The following PRKG1 variants were observed in gnomAD, a reference collection of about 807,000 sequenced individuals.
The protein encoded by PRKG1 is cGMP-dependent protein kinase 1.
Under a neutral mutation model 88.1 loss-of-function variants are expected in PRKG1, and 35 were observed. The ratio of observed to expected loss-of-function variants is 0.40; its 90% confidence interval spans 0.30 to 0.53. PRKG1 has a LOEUF of 0.53. PRKG1 is among the 20% of genes least tolerant of loss of function. The probability of loss-of-function intolerance (pLI) is 0.59; values close to 1 mark genes in which losing one functional copy is unlikely to be tolerated. For synonymous variants in PRKG1, 303 were observed against 292.5 expected (o/e 1.04, Z -0.37); for missense variants, 540 against 839.8 (o/e 0.64, Z 4.41).
At chr10:51,933,663 A>C (rs1365717405) in intron 5 of PRKG1, among the ~76,000 whole-genome samples, 5 of 152,098 alleles carry the variant, frequency 3.3e-5, no homozygotes, top group African/African-American at 1.2e-4. Flanking sequence ...AAGAAACAAA[A>C]AAATTTGTGC....
At chr10:51,185,175 A>G (rs1170870122) in intron 2 of PRKG1, among the ~76,000 whole-genome samples, 1 of 152,168 alleles carries the variant, frequency 6.6e-6, no homozygotes, top group Non-Finnish European at 1.5e-5. Context: ...AAAGTTACTT[A>G]ACCTCTCTTT....
At chr10:51,432,726 A>G (rs564768840) in intron 2 of PRKG1, among the ~76,000 whole-genome samples, 1 of 151,576 alleles carries the variant, frequency 6.6e-6, no homozygotes, top group Admixed American at 6.6e-5. Context: ...ATTTAAGACA[A>G]TGAGGGTTGT....
At chr10:52,053,070 C>T (rs1846028031) in intron 5 of PRKG1, among the ~76,000 whole-genome samples, 1 of 151,850 alleles carries the variant, frequency 6.6e-6, no homozygotes, top group Non-Finnish European at 1.5e-5. Flanking sequence ...AATATGCATT[C>T]TATAATATTA....
chr10:51,264,208 A>G (rs4935230), intron 2 of PRKG1, among the ~76,000 whole-genome samples: 151,299 of 152,324 alleles, frequency 0.99, 75,149 homozygotes, highest in East Asian at 1. Context: ...TTTGAACCTG[A>G]TGTATGTCAA....
chr10:51,245,016 T>G (rs981405773), intron 2 of PRKG1: 1 of 152,094 alleles, frequency 6.6e-6, no homozygotes, highest in Admixed American at 6.6e-5. Context: ...AAGAGTTGAT[T>G]AGAATTTTAC....
intron 2 of PRKG1, among the ~76,000 whole-genome samples, chr10:51,326,726 T>C (rs1186107526): frequency 6.6e-6 from 1 of 152,240 alleles, no homozygotes; most frequent in East Asian, 1.9e-4. Flanking sequence ...GTCATGTGAT[T>C]TTAAAGAATA....
intron 3 of PRKG1, among the ~76,000 whole-genome samples, chr10:51,652,633 G>A (rs1840067411): frequency 6.6e-6 from 1 of 151,934 alleles, no homozygotes; most frequent in Non-Finnish European, 1.5e-5. Flanking sequence ...ACAAATAATT[G>A]TATATATTTA....
intron 4 of PRKG1, among the ~76,000 whole-genome samples, chr10:51,884,823 T>G (rs1291265031): frequency 2.0e-5 from 3 of 152,172 alleles, no homozygotes; most frequent in East Asian, 1.9e-4. Context: ...CCTTATTTTT[T>G]GGGTCTAAGC....
intron 4 of PRKG1, among the ~76,000 whole-genome samples, chr10:51,899,979 G>A (rs754968949): frequency 6.6e-6 from 1 of 151,912 alleles, no homozygotes; most frequent in African/African-American, 2.4e-5. Context: ...CATGCTATGC[G>A]CCTGATCCTT....
At chr10:51,177,939 G>T (rs755536435) in intron 2 of PRKG1, among the ~76,000 whole-genome samples, 1 of 151,896 alleles carries the variant, frequency 6.6e-6, no homozygotes, top group Admixed American at 6.6e-5. Context: ...AAAATTTACT[G>T]TGTAAGAAAA....
intron 1 of PRKG1, among the ~76,000 whole-genome samples, chr10:51,080,993 C>T (rs144655572): frequency 2.0e-5 from 3 of 152,310 alleles, no homozygotes; most frequent in Non-Finnish European, 4.4e-5. Context: ...TTCAGCTACA[C>T]AAAACAGATG....
intron 5 of PRKG1, among the ~76,000 whole-genome samples, chr10:52,023,135 C>T (rs1260344303): frequency 6.6e-6 from 1 of 152,110 alleles, no homozygotes; most frequent in East Asian, 1.9e-4. Flanking sequence ...TCTCATTGTT[C>T]AACTCCCACT....
chr10:51,545,343 A>G (rs1311020237), intron 3 of PRKG1, among the ~76,000 whole-genome samples: 1 of 152,128 alleles, frequency 6.6e-6, no homozygotes, highest in Non-Finnish European at 1.5e-5. Context: ...ATGTGTTACT[A>G]TACCTTGGCC....
intron 1 of PRKG1, among the ~76,000 whole-genome samples, chr10:51,125,118 G>A (rs1845363999): frequency 1.3e-5 from 2 of 152,120 alleles, no homozygotes; most frequent in Admixed American, 1.3e-4. Context: ...AGGAGTTCGA[G>A]AGCAGGTTGA....
chr10:51,638,986 A>G (rs1345197680), intron 3 of PRKG1, among the ~76,000 whole-genome samples: 1 of 152,230 alleles, frequency 6.6e-6, no homozygotes, highest in Non-Finnish European at 1.5e-5. Flanking sequence ...TATACACTAC[A>G]GAATTAAGAA....
intron 4 of PRKG1, among the ~76,000 whole-genome samples, chr10:51,845,476 A>G (rs1364326442): frequency 1.3e-5 from 2 of 152,208 alleles, no homozygotes; most frequent in South Asian, 2.1e-4. Context: ...CTTAGTTTCC[A>G]TAGGTTTTAG....
chr10:52,040,832 C>CTTTTTTTTT (rs11312625), intron 5 of PRKG1, among the ~76,000 whole-genome samples: 18 of 85,232 alleles, frequency 2.1e-4, no homozygotes, highest in East Asian at 3.5e-4. Context: ...AATGGCTTTT[C>CTTTTTTTTT]TTTTTTTTTT....
intron 3 of PRKG1, among the ~76,000 whole-genome samples, chr10:51,647,212 C>T (rs746809114): frequency 8.0e-5 from 12 of 150,666 alleles, no homozygotes; most frequent in South Asian, 2.1e-4. Context: ...TGTCTACAAA[C>T]GGAAGGTTTT....
intron 3 of PRKG1, among the ~76,000 whole-genome samples, chr10:51,521,039 C>T (rs1841722990): frequency 6.6e-6 from 1 of 152,202 alleles, no homozygotes; most frequent in Non-Finnish European, 1.5e-5. Context: ...GCCTGTAATC[C>T]CAGCACTGGG....
Sources: allele counts gnomAD v4.1 joint callset (sites outside exome capture counted in the v4.1 genomes callset), GRCh38; gene constraint gnomAD v4.1.1; transcripts MANE v1.5; gene names NCBI Gene and HGNC (gene_info 2026-07-23, HGNC 2026-07-21).